Variants in PRSS12 observed in about 807,000 individuals in gnomAD.
PRSS12 encodes the protein neurotrypsin.
In PRSS12, 85 loss-of-function variants were observed where a neutral mutation model predicts 104.4. The ratio of observed to expected loss-of-function variants is 0.81; its 90% CI spans 0.68 to 0.98. The LOEUF is 0.98. PRSS12 is among the 50% of genes least tolerant of loss of function. The pLI, the probability that PRSS12 is intolerant of heterozygous loss-of-function variation, is 0.00. For synonymous variants in PRSS12, 454 were observed against 425.2 expected, an observed-to-expected ratio of 1.07 and a Z score of -0.83; for missense variants, 1,141 against 1,139.2, an observed-to-expected ratio of 1.00 and a Z score of -0.02.
chr4:118,323,807 T>TTATA, intron 4 of PRSS12, among the ~76,000 whole-genome samples: 1 of 151,322 alleles, frequency 6.6e-6, no homozygotes, highest in East Asian at 1.9e-4. Context: ...AACTTGTTTT[T>TTATA]TATATATATA....
At chr4:118,332,007 A>ATG in intron 3 of PRSS12, 141 bp from the exon 4 acceptor site, 1 of 972,844 alleles carries the variant, frequency 1.0e-6, no homozygotes, top group Non-Finnish European at 1.5e-6. Flanking sequence ...ACATACGTAT[A>ATG]TATATCTAAT....
intron 2 of PRSS12, among the ~76,000 whole-genome samples, chr4:118,337,637 G>A (rs1028864997): frequency 2.0e-5 from 3 of 152,094 alleles, no homozygotes; most frequent in African/African-American, 7.2e-5. Context: ...TAAGGCCTGG[G>A]ACATCACCAC....
chr4:118,308,400 A>G (rs1434015239), intron 8 of PRSS12, 36 bp downstream of exon 8: 3 of 1,613,184 alleles, frequency 1.9e-6, no homozygotes, highest in African/African-American at 1.3e-5. Flanking sequence ...AGATATGCTC[A>G]TCAGTAACCA....
intron 1 of PRSS12, among the ~76,000 whole-genome samples, chr4:118,350,626 T>C (rs1303558653): frequency 6.6e-6 from 1 of 152,206 alleles, no homozygotes; most frequent in Non-Finnish European, 1.5e-5. Flanking sequence ...TGGTGAGAGT[T>C]AGCTAGGAAC....
intron 11 of PRSS12, among the ~76,000 whole-genome samples, chr4:118,290,238 A>C (rs1484163093): frequency 3.3e-5 from 5 of 152,282 alleles, no homozygotes; most frequent in Admixed American, 1.3e-4. Flanking sequence ...ACAACAACAA[A>C]AAAAAGAGCC....
chr4:118,301,914 A>G (rs1743414972), intron 8 of PRSS12, among the ~76,000 whole-genome samples: 1 of 152,114 alleles, frequency 6.6e-6, no homozygotes, highest in Non-Finnish European at 1.5e-5. Flanking sequence ...CTTCCTTTTC[A>G]ATACTGATAC....
At chr4:118,322,369 GT>G (rs1723650774) in intron 4 of PRSS12, among the ~76,000 whole-genome samples, 1 of 152,184 alleles carries the variant, frequency 6.6e-6, no homozygotes, top group African/African-American at 2.4e-5. Context: ...GATCAATGTA[GT>G]GAAACCCTAT....
chr4:118,352,208 A>G lies in PRSS12; in HGVS notation c.502+11T>C, dbSNP rs767468226. 9.2e-5 allele frequency: 149 copies of G among 1,610,980 alleles called. No individual in the cohort carries two copies. Among genetic ancestry groups the G allele is most frequent in the Non-Finnish European group, 1.2e-4 (145 of 1,179,522 alleles). ...GTCCGGAGTTTCCGCGGCCGCCCCG[A>G]GGCCACTAACCGTGTCTGCAGTCGC... On this transcript the variant is annotated intron_variant, in intron 1 of 12. Transcript: ENST00000296498.
At chr4:118,327,982 T>C (rs1723819815) in intron 4 of PRSS12, among the ~76,000 whole-genome samples, 2 of 152,206 alleles carry the variant, frequency 1.3e-5, no homozygotes. Context: ...AAAAGCATGA[T>C]GTAGTTTCCC....
intron 2 of PRSS12, among the ~76,000 whole-genome samples, chr4:118,335,953 G>A (rs1024588620): frequency 6.6e-6 from 1 of 152,124 alleles, no homozygotes; most frequent in Non-Finnish European, 1.5e-5. Context: ...AAAAAGTAAG[G>A]CTGTGTGCAA....
Position 118,282,387 on chromosome 4 carries a change from T to C in PRSS12, c.2321-144A>G. ...AAATGAGCAATGACTAACTGGTATG[T>C]ACTATTGTTAGCTGCCTTTTTTAAT... On this transcript the variant is annotated intron_variant, in intron 12 of 12. Coordinates refer to ENST00000296498, the MANE Select transcript of PRSS12 (RefSeq NM_003619.4). 7 of 1,072,798 alleles carry C rather than the reference T, an allele frequency of 6.5e-6. No individual in the cohort carries two copies. The Admixed American group carries it at 1.2e-4, about 18-fold the overall frequency. The allele number at this position is 1,072,798 out of a possible 1,614,324, so 66.5% of individuals were successfully genotyped here.
At chr4:118,313,074 T>TA (rs1199168702) in intron 7 of PRSS12, 127 bp downstream of exon 7, 1 of 1,013,000 alleles carries the variant, frequency 9.9e-7, no homozygotes, top group Admixed American at 2.4e-5. Context: ...TACTGAAAAT[T>TA]AGACAGTTAT....
intron 3 of PRSS12, among the ~76,000 whole-genome samples, chr4:118,333,449 T>A (rs1225749655): frequency 6.6e-6 from 1 of 152,212 alleles, no homozygotes; most frequent in Non-Finnish European, 1.5e-5. Context: ...AAATTTAGAT[T>A]AGTGACTATC....
At chr4:118,291,921 T>C (rs76964754) in intron 11 of PRSS12, among the ~76,000 whole-genome samples, 4 of 152,278 alleles carry the variant, frequency 2.6e-5, no homozygotes, top group Non-Finnish European at 5.9e-5. Context: ...TTATTCCATA[T>C]TGCTTGTTAG....
intron 3 of PRSS12, among the ~76,000 whole-genome samples, chr4:118,333,265 T>C (rs1043922228): frequency 6.6e-6 from 1 of 152,240 alleles, no homozygotes; most frequent in African/African-American, 2.4e-5. Flanking sequence ...TGAAGTCTAG[T>C]TGTACTTTTT....
intron 11 of PRSS12, among the ~76,000 whole-genome samples, chr4:118,294,716 A>C (rs982891846): frequency 6.6e-6 from 1 of 152,078 alleles, no homozygotes; most frequent in Non-Finnish European, 1.5e-5. Flanking sequence ...CTGTTCTTCT[A>C]TTCTCCCTAA....
At chr4:118,311,587 T>C (rs1439356791) in intron 7 of PRSS12, among the ~76,000 whole-genome samples, 1 of 152,220 alleles carries the variant, frequency 6.6e-6, no homozygotes, top group African/African-American at 2.4e-5. Context: ...AATATGATTC[T>C]ATCCCAAAAG....
At chr4:118,335,018 G>A (rs987644211) in intron 3 of PRSS12, among the ~76,000 whole-genome samples, 3 of 152,074 alleles carry the variant, frequency 2.0e-5, no homozygotes, top group Non-Finnish European at 4.4e-5. Context: ...CATTTTTAGG[G>A]AAGGTGCTCT....
intron 11 of PRSS12, 38 bp from the exon 12 acceptor site, chr4:118,283,149 G>T: frequency 6.2e-7 from 1 of 1,606,602 alleles, no homozygotes; most frequent in Non-Finnish European, 8.5e-7. Context: ...ACTTGCTTCA[G>T]ATACTGAAAA....
Sources: allele counts gnomAD v4.1 joint callset (sites outside exome capture counted in the v4.1 genomes callset), GRCh38; gene constraint gnomAD v4.1.1; transcripts MANE v1.5; gene names NCBI Gene and HGNC (gene_info 2026-07-23, HGNC 2026-07-21).